Variants in SGCZ observed in about 807,000 individuals in gnomAD.
SGCZ encodes the protein zeta-sarcoglycan.
SGCZ carries 40 observed loss-of-function variants against 41.3 expected under a neutral mutation model. The observed-to-expected ratio is 0.97, with a 90% CI of 0.75 to 1.26. The LOEUF is 1.26. Among genes scored for constraint, SGCZ ranks in the 50% most tolerant of loss-of-function variants. The pLI is 0.00. For synonymous variants in SGCZ, 206 were observed against 137.5 expected, an observed-to-expected ratio of 1.50 and a Z score of -3.49; for missense variants, 552 against 369.8, an observed-to-expected ratio of 1.49 and a Z score of -4.04.
At chr8:14,169,894 A>T (rs1478024) in intron 4 of SGCZ, among the ~76,000 whole-genome samples, 20 of 151,860 alleles carry the variant, frequency 1.3e-4, no homozygotes, top group Non-Finnish European at 2.6e-4. Flanking sequence ...AAAGAAAGAA[A>T]GGGCTGAAAG....
At chr8:15,218,101 A>C (rs535304471) in intron 1 of SGCZ, among the ~76,000 whole-genome samples, 2 of 152,208 alleles carry the variant, frequency 1.3e-5, no homozygotes, top group Non-Finnish European at 2.9e-5. Context: ...TTTTAATAAA[A>C]TTGTGATTTT....
At chr8:14,978,577 A>G (rs1317934463) in intron 1 of SGCZ, among the ~76,000 whole-genome samples, 1 of 150,842 alleles carries the variant, frequency 6.6e-6, no homozygotes, top group East Asian at 1.9e-4. Flanking sequence ...GATCTTGTAA[A>G]CCAGATTTTA....
At chr8:14,244,303 A>G (rs62500174) in intron 3 of SGCZ, among the ~76,000 whole-genome samples, 40 of 149,364 alleles carry the variant, frequency 2.7e-4, no homozygotes, top group Non-Finnish European at 4.9e-4. Context: ...CCCCAGAGCA[A>G]GGTTGGTAAA....
chr8:15,131,039 A>G (rs904733866), intron 1 of SGCZ, among the ~76,000 whole-genome samples: 16 of 152,170 alleles, frequency 1.1e-4, no homozygotes, highest in African/African-American at 7.2e-5. Flanking sequence ...AATGCTATCT[A>G]TAAGCAAGCT....
At chr8:15,230,966 G>A (rs1183064207) in intron 1 of SGCZ, among the ~76,000 whole-genome samples, 1 of 152,178 alleles carries the variant, frequency 6.6e-6, no homozygotes, top group Non-Finnish European at 1.5e-5. Context: ...AGACGGCAGA[G>A]CCAGGGTTTG....
At chr8:14,954,962 T>C (rs1025891036) in intron 1 of SGCZ, among the ~76,000 whole-genome samples, 16 of 152,316 alleles carry the variant, frequency 1.1e-4, no homozygotes, top group African/African-American at 3.8e-4. Context: ...TGCTATGATA[T>C]AGTATTATTA....
chr8:14,643,125 T>A (rs1807081809), intron 1 of SGCZ, among the ~76,000 whole-genome samples: 1 of 151,666 alleles, frequency 6.6e-6, no homozygotes, highest in Admixed American at 6.6e-5. Context: ...AAAGAATAAA[T>A]TTTAAAACAT....
At chr8:14,563,496 C>T (rs896542661) in intron 1 of SGCZ, among the ~76,000 whole-genome samples, 3 of 152,148 alleles carry the variant, frequency 2.0e-5, no homozygotes, top group African/African-American at 4.8e-5. Context: ...GGTCTAAATA[C>T]AAACTATCAA....
intron 3 of SGCZ, among the ~76,000 whole-genome samples, chr8:14,277,222 T>G (rs1040427241): frequency 1.3e-5 from 2 of 152,150 alleles, no homozygotes; most frequent in Non-Finnish European, 2.9e-5. Flanking sequence ...CCCATTACTG[T>G]CTTCTATCTT....
chr8:14,925,041 A>G (rs955309824), intron 1 of SGCZ, among the ~76,000 whole-genome samples: 26 of 151,990 alleles, frequency 1.7e-4, no homozygotes, highest in African/African-American at 4.6e-4. Context: ...TATTTTTAGT[A>G]GAGCCAGGGT....
At position 14,540,152 on chromosome 8, in the gene SGCZ, A is replaced by G. The variant is rs113778278; in HGVS notation, c.234+14580T>C. Among the ~76,000 whole-genome samples the G allele has an allele frequency of 4.0e-3, 597 of 151,038 alleles. 4 individuals carry two copies. The highest frequency in any genetic ancestry group is 0.013 in the African/African-American group (552 of 41,184). ...GTATACTATGACTCTGCAGTGCACA[A>G]TGCTTTTCGTTCAAAGATTGGTGCT... On this transcript the variant is annotated intron_variant, in intron 2 of 7. Transcript: ENST00000382080.
chr8:14,270,650 A>G (rs10088952), intron 3 of SGCZ, among the ~76,000 whole-genome samples: 5,014 of 152,244 alleles, frequency 0.033, 100 homozygotes, highest in African/African-American at 0.057. Flanking sequence ...AATGGGAAAA[A>G]TGTGAATGTA....
intron 3 of SGCZ, among the ~76,000 whole-genome samples, chr8:14,249,278 C>T (rs1214932127): frequency 1.3e-5 from 2 of 152,136 alleles, no homozygotes; most frequent in Admixed American, 1.3e-4. Context: ...GGAACTTACA[C>T]CATTGGCGCT....
At chr8:14,863,379 T>C (rs1585328275) in intron 1 of SGCZ, among the ~76,000 whole-genome samples, 1 of 152,060 alleles carries the variant, frequency 6.6e-6, no homozygotes, top group Non-Finnish European at 1.5e-5. Context: ...GGCTGGAGTG[T>C]AGTGACACTA....
chr8:14,863,509 G>C (rs1055473833), intron 1 of SGCZ, among the ~76,000 whole-genome samples: 5 of 151,962 alleles, frequency 3.3e-5, no homozygotes, highest in African/African-American at 1.2e-4. Context: ...GAGGTTTCTA[G>C]CGCTTTAATT....
intron 5 of SGCZ, among the ~76,000 whole-genome samples, chr8:14,116,781 T>C (rs1329037255): frequency 6.6e-6 from 1 of 152,118 alleles, no homozygotes; most frequent in Non-Finnish European, 1.5e-5. Context: ...AGAGGACTGG[T>C]AGCATTCTTT....
At chr8:14,407,478 A>G (rs980941517) in intron 2 of SGCZ, among the ~76,000 whole-genome samples, 1 of 152,152 alleles carries the variant, frequency 6.6e-6, no homozygotes, top group African/African-American at 2.4e-5. Context: ...AGGTCTCCCT[A>G]TAAGTAGTTT....
intron 2 of SGCZ, among the ~76,000 whole-genome samples, chr8:14,477,126 C>A (rs1051793965): frequency 3.9e-5 from 6 of 152,070 alleles, no homozygotes; most frequent in African/African-American, 1.4e-4. Context: ...CTCTATGTGT[C>A]TTTTCATTTT....
chr8:14,874,719 G>C (rs1804283497), intron 1 of SGCZ, among the ~76,000 whole-genome samples: 1 of 152,088 alleles, frequency 6.6e-6, no homozygotes, highest in African/African-American at 2.4e-5. Context: ...AGGTGCCTGA[G>C]TATTCCTCTC....
Sources: allele counts gnomAD v4.1 joint callset (sites outside exome capture counted in the v4.1 genomes callset), GRCh38; gene constraint gnomAD v4.1.1; transcripts MANE v1.5; gene names NCBI Gene and HGNC (gene_info 2026-07-23, HGNC 2026-07-21).